Variants in GPHN observed in about 807,000 individuals in gnomAD.
The protein encoded by GPHN is gephyrin.
GPHN carries 17 observed loss-of-function variants against 95.5 expected under a neutral mutation model. The observed-to-expected ratio is 0.18, with a 90% confidence interval of 0.12 to 0.27. GPHN has a LOEUF of 0.27. Among genes scored for constraint, GPHN ranks in the 10% least tolerant of loss-of-function variants. The pLI is 1.00. For missense variants in GPHN, 660 were observed against 978.1 expected (o/e 0.67, Z 4.34); for synonymous variants, 320 against 322.5 (o/e 0.99, Z 0.08).
chr14:67,334,896 A>G, the GPHN span: 1 of 152,350 alleles, frequency 6.6e-6, no homozygotes, highest in South Asian at 2.1e-4. Flanking sequence ...GATCCTGCTT[A>G]TTGTAACTGA....
At chr14:67,045,809 C>G (rs1269497524) in intron 10 of GPHN, among the ~76,000 whole-genome samples, 3 of 151,972 alleles carry the variant, frequency 2.0e-5, no homozygotes, top group Non-Finnish European at 4.4e-5. Flanking sequence ...CTCTTTCTCT[C>G]TCTGTGTGTG....
chr14:66,590,606 A>G (rs566656063), intron 1 of GPHN, among the ~76,000 whole-genome samples: 5 of 152,192 alleles, frequency 3.3e-5, no homozygotes, highest in African/African-American at 1.2e-4. Flanking sequence ...TAAACCTGGA[A>G]GAAGTTGAAT....
At chr14:66,750,669 A>C (rs962443960) in intron 2 of GPHN, among the ~76,000 whole-genome samples, 9 of 151,940 alleles carry the variant, frequency 5.9e-5, no homozygotes, top group Admixed American at 6.6e-5. Flanking sequence ...TGTTTTGTAA[A>C]ATTCTAAGTA....
intron 2 of GPHN, among the ~76,000 whole-genome samples, chr14:66,702,031 G>A (rs1248649483): frequency 1.3e-5 from 2 of 152,172 alleles, no homozygotes; most frequent in African/African-American, 2.4e-5. Context: ...GGCAGACTGC[G>A]GCCACAGTGC....
At chr14:67,347,499 T>TCA in the GPHN span, 7 of 1,300,552 alleles carry the variant, frequency 5.4e-6, no homozygotes, top group South Asian at 1.4e-5. Flanking sequence ...CTTTAAGTTC[T>TCA]CTCTTTTTTT....
At chr14:67,579,735 C>T in the GPHN span, 2,881 of 1,612,498 alleles carry the variant, frequency 1.8e-3, 52 homozygotes, top group African/African-American at 0.033. Flanking sequence ...TTGGTTTTGA[C>T]GGCTCTTCCA....
At chr14:66,956,219 CA>C (rs1787146422) in intron 8 of GPHN, among the ~76,000 whole-genome samples, 1 of 152,130 alleles carries the variant, frequency 6.6e-6, no homozygotes, top group Non-Finnish European at 1.5e-5. Flanking sequence ...TAGATGTTTA[CA>C]GCTATAAGTT....
chr14:66,637,840 T>C lies in GPHN; in HGVS notation c.65-43267T>C, dbSNP rs114246895. Among the ~76,000 whole-genome samples the C allele has an allele frequency of 7.9e-3, 1,201 of 152,226 alleles. 8 individuals are homozygous for C. The highest frequency in any genetic ancestry group is 0.028 in the African/African-American group (1,147 of 41,550). ...TCTGACAAAAATCTTAGAAAGTCAGTGGCCTTTAACCCTCAGTACAACACC... is the reference window on the plus strand; with the variant it reads ...TCTGACAAAAATCTTAGAAAGTCAGCGGCCTTTAACCCTCAGTACAACACC... On this transcript the variant is annotated intron_variant, in intron 1 of 22. Transcript: ENST00000478722.
chr14:67,393,451 GTTGTTTTTTGT>G, the GPHN span, among the ~76,000 whole-genome samples: 7 of 152,146 alleles, frequency 4.6e-5, no homozygotes, highest in South Asian at 1.2e-3. Flanking sequence ...TTTTGTTGTT[GTTGTTTTTTGT>G]TTGTTTTTTG....
At chr14:67,054,222 C>T (rs2075443831) in intron 10 of GPHN, among the ~76,000 whole-genome samples, 3 of 152,194 alleles carry the variant, frequency 2.0e-5, no homozygotes, top group South Asian at 2.1e-4. Flanking sequence ...ATCATCTCAG[C>T]CCCAAAGCTT....
chr14:66,720,576 G>A (rs545839476), intron 2 of GPHN, among the ~76,000 whole-genome samples: 2 of 152,270 alleles, frequency 1.3e-5, no homozygotes, highest in African/African-American at 4.8e-5. Context: ...GCATTCATTT[G>A]TTAAAGTCAA....
In GPHN at chr14:66,888,469, G is replaced by A. The variant is rs184077126; in HGVS notation, c.389+8436G>A. 5.9e-5 allele frequency among the ~76,000 whole-genome samples: 9 copies of A among 152,280 alleles called. 1 individual carries two copies. Among genetic ancestry groups the A allele is most frequent in the Admixed American group, 5.9e-4 (9 of 15,302 alleles). On this transcript the variant is annotated intron_variant, in intron 5 of 22. Transcript: ENST00000478722. ...ATAACTAAAAGGGGTGAGGGACAGA[G>A]TAGTATAAGAGCAGAGGTTTTGTAT...
At chr14:66,684,581 G>A (rs2067214465) in intron 2 of GPHN, among the ~76,000 whole-genome samples, 1 of 152,080 alleles carries the variant, frequency 6.6e-6, no homozygotes, top group African/African-American at 2.4e-5. Flanking sequence ...TAACTGTATA[G>A]TACATACTCC....
chr14:66,531,215 G>C (rs1369293138), intron 1 of GPHN, among the ~76,000 whole-genome samples: 3 of 152,068 alleles, frequency 2.0e-5, no homozygotes, highest in African/African-American at 7.2e-5. Flanking sequence ...CAAAGTGCTG[G>C]GATTACAGGC....
chr14:66,850,469 G>A (rs1391249287), intron 4 of GPHN, among the ~76,000 whole-genome samples: 1 of 152,034 alleles, frequency 6.6e-6, no homozygotes, highest in Non-Finnish European at 1.5e-5. Flanking sequence ...AACCATTTCA[G>A]AACCCAGAGA....
At chr14:67,312,700 G>C in the GPHN span, 1 of 1,605,692 alleles carries the variant, frequency 6.2e-7, no homozygotes, top group Non-Finnish European at 8.5e-7. Flanking sequence ...CTCTAGCCGG[G>C]CTTGTTCCAG....
At chr14:67,350,660 C>G in the GPHN span, 1 of 1,613,656 alleles carries the variant, frequency 6.2e-7, no homozygotes. Flanking sequence ...AAGGCAGCTT[C>G]TCTCATCACT....
the GPHN span, among the ~76,000 whole-genome samples, chr14:67,264,028 A>G: frequency 4.6e-5 from 7 of 152,236 alleles, no homozygotes; most frequent in East Asian, 1.2e-3. Context: ...CTCCCATGCA[A>G]GCACCTGGGA....
the GPHN span, among the ~76,000 whole-genome samples, chr14:67,284,931 T>C: frequency 9.5e-4 from 145 of 152,276 alleles, no homozygotes; most frequent in African/African-American, 3.3e-3. Context: ...TTTATTTTTT[T>C]GTAGAGACGG....
Sources: gnomAD v4.1 joint callset for allele counts (sites outside exome capture counted in the v4.1 genomes callset) on GRCh38, gnomAD v4.1.1 for gene constraint, MANE v1.5 for transcripts, NCBI Gene and HGNC (gene_info 2026-07-23, HGNC 2026-07-21) for gene names.